KIAA1210: variants seen among roughly 807,000 people sequenced by gnomAD.
KIAA1210 encodes the protein acrosomal protein KIAA1210.
In KIAA1210, 48 loss-of-function variants were observed where a neutral mutation model predicts 78.9. The observed-to-expected ratio is 0.61, with a 90% CI of 0.48 to 0.77. The LOEUF (loss-of-function observed/expected upper bound fraction) is 0.77, where lower values mean the gene tolerates loss of function less well. Among genes scored for constraint, KIAA1210 ranks in the 30% least tolerant of loss-of-function variants. KIAA1210 has a pLI of 0.00. For missense variants in KIAA1210, 1,108 were observed against 1,100.0 expected (o/e 1.01, Z -0.10); for synonymous variants, 406 against 404.5 (o/e 1.00, Z -0.04).
Position 119,087,122 on chromosome X carries a change from G to T in KIAA1210, c.3580C>A (p.Pro1194Thr). The change falls in exon 9 of 12, where the codon CCT becomes ACT. Residue 1194 changes from proline to threonine, a missense_variant. By Grantham distance (38) the Pro-to-Thr change is conservative. Around this residue, in one of 5 missense-constraint regions of KIAA1210, gnomAD observed 245 missense variants for 278.8 expected, o/e 0.88. Coordinates refer to ENST00000691062, the MANE Select transcript of KIAA1210 (RefSeq NM_001394962.1). Reference protein sequence around the residue: ...SGEKHLPSSSPFQQQVHSSSV... With the variant: ...SGEKHLPSSSTFQQQVHSSSV... Reference sequence around the variant, plus strand: ...CTTGAATGAACCTGTTGCTGGAAAGGACTACTTGAAGGCAGGTGCTTCTCA... The same window carrying T: ...CTTGAATGAACCTGTTGCTGGAAAGTACTACTTGAAGGCAGGTGCTTCTCA... 1 of 1,211,591 alleles carries T rather than the reference G, an allele frequency of 8.3e-7. No individual in the cohort carries two copies. The highest frequency in any genetic ancestry group is 1.1e-6 in the Non-Finnish European group (1 of 895,291).
upstream of KIAA1210, among the ~76,000 whole-genome samples, chrX:119,128,851 T>C (rs1603271524): frequency 2.7e-5 from 3 of 110,616 alleles, no homozygotes; most frequent in East Asian, 8.5e-4. Flanking sequence ...AATTGTGTAT[T>C]TTTAGTAGAG....
rs753921238 is a variant in KIAA1210 at position 119,096,518 on chromosome X, T to C, written c.822A>G (p.Lys274=). ...CAATCACTTGAAGGTTCTTCTTTTG[T>C]TTGCGGGGATTTAAAGTCATTTTGT... The part of the protein sequence containing the change: ...ARHKMTLNPR[K]QKKNLQVIVE... Residue 274 remains lysine, a synonymous_variant, in exon 7 of 12, where the codon AAA becomes AAG. Coordinates refer to ENST00000691062, the MANE Select transcript of KIAA1210 (RefSeq NM_001394962.1). The C allele has an allele frequency of 2.5e-6, 3 of 1,209,907 alleles. No homozygotes were observed. Among genetic ancestry groups the C allele is most frequent in the Non-Finnish European group, 3.4e-6 (3 of 894,475 alleles).
rs772316067 is a variant in KIAA1210 at position 119,089,475 on chromosome X, C to T, written c.1227G>A (p.Ser409=). 34 of 1,210,177 alleles carry T rather than the reference C, an allele frequency of 2.8e-5. No homozygotes were observed. The highest frequency in any genetic ancestry group is 3.6e-5 in the Non-Finnish European group (32 of 895,224). Residue 409 remains serine, a synonymous_variant, in exon 9 of 12, where the codon TCG becomes TCA. Coordinates refer to ENST00000691062, the MANE Select transcript of KIAA1210 (RefSeq NM_001394962.1). ...TNKTARNVPF[S]HLSLEKDNME... ...TGTTGTCCTTCTCTAAGGACAAGTG[C>T]GAGAAAGGGACATTCCTGGCAGTCT...
chrX:119,090,214 C>T (rs1330384814), intron 8 of KIAA1210, among the ~76,000 whole-genome samples: 2 of 104,119 alleles, frequency 1.9e-5, no homozygotes, highest in African/African-American at 3.6e-5. Context: ...CTCGTTCTGT[C>T]GCCCAGGCTG....
intron 2 of KIAA1210, among the ~76,000 whole-genome samples, chrX:119,121,413 C>G (rs773096830): frequency 9.0e-6 from 1 of 111,717 alleles, no homozygotes; most frequent in South Asian, 3.8e-4. Context: ...GAGCTGACAG[C>G]TGAGAGCTGA....
rs1404197595 is a variant in KIAA1210, at chrX:119,080,363, G to A, written c.*966C>T. ...CTATCACCCAAGGAGAAAGCATCAG[G>A]GGCCCCCAGGGACACAGGGAAGATG... On this transcript the variant is annotated 3_prime_UTR_variant, in exon 12 of 12. Transcript: ENST00000691062. 1 of 111,579 alleles carries A rather than the reference G, an allele frequency of 9.0e-6. No individual in the cohort carries two copies. Among genetic ancestry groups the A allele is most frequent in the Non-Finnish European group, 1.9e-5 (1 of 53,114 alleles). 9.2% of individuals were successfully genotyped at this position (111,579 alleles called of 1,213,427 possible).
intron 2 of KIAA1210, among the ~76,000 whole-genome samples, chrX:119,120,077 G>A (rs1489278403): frequency 9.0e-6 from 1 of 111,332 alleles, no homozygotes; most frequent in Admixed American, 9.5e-5. Context: ...GCTGAAACAG[G>A]GGGATTGCTT....
Position 119,106,548 on chromosome X carries a change from C to T in KIAA1210, c.493-1401G>A, listed in dbSNP as rs1399280031. On this transcript the variant is annotated intron_variant, in intron 5 of 11. Transcript: ENST00000691062. The stretch of plus-strand genomic sequence containing the variant: ...AGACGTTTAAAGGCAACAACCAGAA[C>T]ATATGGTGTGCCTGCTTCCTTAAGA... 4.5e-5 allele frequency among the ~76,000 whole-genome samples: 5 copies of T among 112,041 alleles called. No individual in the cohort carries two copies. In the East Asian group the frequency reaches 1.4e-3, roughly 31 times the overall value.
In KIAA1210 at chrX:119,108,440, G is replaced by A; in HGVS notation, c.389C>T (p.Pro130Leu). The change falls in exon 5 of 12, where the codon CCT (proline) becomes CTT (leucine). Residue 130 changes from proline to leucine, a missense_variant. Pro to Leu is a moderately conservative substitution (Grantham distance 98). This residue lies in a region of KIAA1210 where 672 missense variants were observed against 607.1 expected (regional missense o/e 1.11). Transcript: ENST00000691062. Reference protein sequence around the residue: ...RSHISRTLPKPRSKVPGVVSG... With the variant: ...RSHISRTLPKLRSKVPGVVSG... The stretch of plus-strand genomic sequence containing the variant: ...CACAACTCCAGGAACCTTACTCCTA[G>A]GTTTAGGCAGAGTTCTGGAAATATG... The A allele has an allele frequency of 8.3e-7, 1 of 1,209,237 alleles. No homozygotes were observed. Among genetic ancestry groups the A allele is most frequent in the Non-Finnish European group, 1.1e-6 (1 of 893,979 alleles).
rs1317056560 is a variant in KIAA1210, at chrX:119,081,136, G to A, written c.*193C>T. On this transcript the variant is annotated 3_prime_UTR_variant, in exon 12 of 12. Transcript: ENST00000691062. The stretch of plus-strand genomic sequence containing the variant: ...AACAAAATTAGCCGGGCGTGATGGC[G>A]GGCGCCTGTAGTCCCAGCTAGTCGG... 1 of 300,123 alleles carries A rather than the reference G, an allele frequency of 3.3e-6. No individual in the cohort carries two copies. Among genetic ancestry groups the A allele is most frequent in the Non-Finnish European group, 5.7e-6 (1 of 174,958 alleles). 24.7% of individuals were successfully genotyped at this position (300,123 alleles called of 1,213,427 possible). A position where few individuals can be genotyped will look rare whatever the true frequency, so the allele number is the denominator to read the frequency against.
At position 119,079,173 on chromosome X, in the gene KIAA1210, C is replaced by T. The variant is rs1340590636; in HGVS notation, c.*2156G>A. 8.9e-6 allele frequency: 1 copy of T among 112,332 alleles called. No individual in the cohort carries two copies. The highest frequency in any genetic ancestry group is 3.2e-5 in the African/African-American group (1 of 30,906). The allele number at this position is 112,332 out of a possible 1,213,427, so 9.3% of individuals were successfully genotyped here. A position where few individuals can be genotyped will look rare whatever the true frequency, so the allele number is the denominator to read the frequency against. Reference sequence around the variant, plus strand: ...TCACATTATACCAGCATCAACAAAACCCAGCACCAAGTGTTTAGCTCTGAC... The same window carrying T: ...TCACATTATACCAGCATCAACAAAATCCAGCACCAAGTGTTTAGCTCTGAC... On this transcript the variant is annotated 3_prime_UTR_variant, in exon 12 of 12. Coordinates refer to ENST00000691062, the MANE Select transcript of KIAA1210 (RefSeq NM_001394962.1).
intron 6 of KIAA1210, among the ~76,000 whole-genome samples, chrX:119,102,866 C>T (rs1163396900): frequency 1.8e-5 from 2 of 111,797 alleles, no homozygotes; most frequent in African/African-American, 3.3e-5. Flanking sequence ...CAAACTCATC[C>T]GTCTGCTCAC....
chrX:119,138,211 G>GTTTTTTTTTTT (rs759946882), intron 2 of KIAA1210, among the ~76,000 whole-genome samples: 1 of 47,845 alleles, frequency 2.1e-5, no homozygotes, highest in Non-Finnish European at 3.4e-5. Flanking sequence ...TGGTTTGGTT[G>GTTTTTTTTTTT]TTTTTTTTTT....
In KIAA1210 at chrX:119,089,212, A is replaced by G; in HGVS notation, c.1490T>C (p.Val497Ala). Reference sequence around the variant, plus strand: ...CTCTTGGGTTGTAGAAAGGCTTTCCACCATCAGTGAGAGAGAAGCTCTGGC... The same window carrying G: ...CTCTTGGGTTGTAGAAAGGCTTTCCGCCATCAGTGAGAGAGAAGCTCTGGC... ...TEARASLSLM[V>A]ESLSTTQEEA... The change falls in exon 9 of 12, where the codon GTG becomes GCG. Residue 497 changes from valine to alanine, a missense_variant. By Grantham distance (64) the Val-to-Ala change is moderately conservative. This residue lies in a region of KIAA1210 where 672 missense variants were observed against 607.1 expected (regional missense o/e 1.11). Coordinates refer to ENST00000691062, the MANE Select transcript of KIAA1210 (RefSeq NM_001394962.1). 8.3e-7 allele frequency: 1 copy of G among 1,211,168 alleles called. No individual in the cohort carries two copies.
rs777218100 is a variant in KIAA1210, at chrX:119,088,351, T to C, written c.2351A>G (p.Glu784Gly). Residue 784 changes from glutamate to glycine, a missense_variant, in exon 9 of 12, where the codon GAG becomes GGG. Physicochemically the swap from Glu to Gly is moderately conservative, Grantham distance 98. Coordinates refer to ENST00000691062, the MANE Select transcript of KIAA1210 (RefSeq NM_001394962.1). The stretch of plus-strand genomic sequence containing the variant: ...CTTTGGAGATGAGGAAACTTCTTGC[T>C]CCACTTTAGGGTTCACCCATGGCTG... ...PFQPWVNPKV[E>G]QEVSSSPKSM... 2.5e-6 allele frequency: 3 copies of C among 1,210,827 alleles called. No individual in the cohort carries two copies. The Admixed American group carries it at 6.5e-5, about 26-fold the overall frequency.
At chrX:119,098,976 A>C (rs1367012773) in intron 6 of KIAA1210, among the ~76,000 whole-genome samples, 1 of 111,919 alleles carries the variant, frequency 8.9e-6, no homozygotes, top group Non-Finnish European at 1.9e-5. Flanking sequence ...CTGAGATGTC[A>C]TCAGAGCAAG....
upstream of KIAA1210, among the ~76,000 whole-genome samples, chrX:119,130,377 A>G (rs2147194354): frequency 8.9e-6 from 1 of 112,381 alleles, no homozygotes; most frequent in South Asian, 3.7e-4. Context: ...GAAATTACAC[A>G]TATGCTTCAA....
chrX:119,089,356 T>C lies in KIAA1210; in HGVS notation c.1346A>G (p.Asp449Gly). 8.3e-7 allele frequency: 1 copy of C among 1,211,582 alleles called. No individual in the cohort carries two copies. The change falls in exon 9 of 12, where the codon GAT becomes GGT. Residue 449 changes from aspartate (D) to glycine (G), a missense_variant. By Grantham distance (94) the Asp-to-Gly change is moderately conservative. Coordinates refer to ENST00000691062, the MANE Select transcript of KIAA1210 (RefSeq NM_001394962.1). Reference protein sequence around the residue: ...DDMGRRNAGIDFGSRKASAAQ... With the variant: ...DDMGRRNAGIGFGSRKASAAQ... ...TGCTGATGCTTTTCTGGATCCGAAA[T>C]CTATGCCAGCATTTCTCCTTCCCAT...
intron 2 of KIAA1210, among the ~76,000 whole-genome samples, chrX:119,136,263 T>G (rs1200045739): frequency 8.9e-6 from 1 of 112,116 alleles, no homozygotes; most frequent in South Asian, 3.7e-4. Context: ...CTCTGCAATG[T>G]GTCCCCAGCC....
Sources: gnomAD v4.1 joint callset for allele counts (sites outside exome capture counted in the v4.1 genomes callset) on GRCh38, gnomAD v4.1.1 for gene constraint, gnomAD v4.1.1 regional missense constraint, MANE v1.5 for transcripts, NCBI Gene and HGNC (gene_info 2026-07-23, HGNC 2026-07-21) for gene names.